The following LARGE1 variants were observed in gnomAD, a reference collection of about 807,000 sequenced individuals.
LARGE1 encodes the protein xylosyl- and glucuronyltransferase LARGE1.
Under a neutral mutation model 87.6 loss-of-function variants are expected in LARGE1, and 43 were observed. The ratio of observed to expected loss-of-function variants is 0.49; its 90% confidence interval spans 0.38 to 0.63. LARGE1 has a LOEUF of 0.63. LARGE1 is among the 30% of genes least tolerant of loss of function. LARGE1 has a pLI of 0.00. For synonymous variants in LARGE1, 434 were observed against 394.6 expected, an observed-to-expected ratio of 1.10 and a Z score of -1.18; for missense variants, 802 against 1,000.2, an observed-to-expected ratio of 0.80 and a Z score of 2.67.
intron 2 of LARGE1, among the ~76,000 whole-genome samples, chr22:33,711,718 C>G (rs1238956125): frequency 6.6e-6 from 1 of 152,230 alleles, no homozygotes; most frequent in African/African-American, 2.4e-5. Flanking sequence ...GTGATCATAG[C>G]TCACTGCAGC....
chr22:33,746,820 A>G (rs2084105021), intron 2 of LARGE1, among the ~76,000 whole-genome samples: 1 of 152,164 alleles, frequency 6.6e-6, no homozygotes, highest in Admixed American at 6.5e-5. Flanking sequence ...GGTTATTATT[A>G]AATCCAAGTC....
intron 2 of LARGE1, among the ~76,000 whole-genome samples, chr22:33,716,915 A>G (rs568919592): frequency 3.1e-4 from 47 of 152,342 alleles, no homozygotes; most frequent in African/African-American, 1.1e-3. Flanking sequence ...ACATTATGGA[A>G]CCACAAAACC....
chr22:33,156,594 T>A, the LARGE1 span, among the ~76,000 whole-genome samples: 1 of 152,202 alleles, frequency 6.6e-6, no homozygotes, highest in East Asian at 1.9e-4. Flanking sequence ...GTAACTATCT[T>A]GCTTTTGATT....
intron 2 of LARGE1, among the ~76,000 whole-genome samples, chr22:33,713,488 A>G (rs1467760524): frequency 6.6e-6 from 1 of 152,164 alleles, no homozygotes; most frequent in Non-Finnish European, 1.5e-5. Context: ...GGTTTATTTG[A>G]AACACACAAG....
chr22:33,158,923 T>C (rs1921943043), downstream of LARGE1, among the ~76,000 whole-genome samples: 1 of 152,212 alleles, frequency 6.6e-6, no homozygotes, highest in Non-Finnish European at 1.5e-5. Context: ...AGGGAAACTG[T>C]GACATTCAAA....
At chr22:33,467,121 C>A (rs2068651529) in intron 6 of LARGE1, among the ~76,000 whole-genome samples, 1 of 152,176 alleles carries the variant, frequency 6.6e-6, no homozygotes, top group East Asian at 1.9e-4. Context: ...CTGTGTCTTC[C>A]ATTTTTCCAG....
chr22:33,101,663 C>T, the LARGE1 span, among the ~76,000 whole-genome samples: 1 of 152,134 alleles, frequency 6.6e-6, no homozygotes, highest in Admixed American at 6.5e-5. Context: ...TCAGATGGCA[C>T]ACATTTCTAT....
chr22:33,685,357 A>G (rs2081913393), intron 2 of LARGE1, among the ~76,000 whole-genome samples: 1 of 152,222 alleles, frequency 6.6e-6, no homozygotes, highest in African/African-American at 2.4e-5. Context: ...GAGTGACATC[A>G]ACCTGTAGTC....
chr22:33,164,244 G>C (rs890248699), exon 12 of LARGE1: 1 of 152,078 alleles, frequency 6.6e-6, no homozygotes, highest in African/African-American at 2.4e-5. Flanking sequence ...CTGACTTTTC[G>C]CTTTGTCTGT....
intron 1 of LARGE1, among the ~76,000 whole-genome samples, chr22:33,847,731 C>T (rs930554381): frequency 6.6e-6 from 1 of 152,212 alleles, no homozygotes; most frequent in Admixed American, 6.5e-5. Flanking sequence ...TCTTTCTTCT[C>T]TCATTGTAAA....
intron 1 of LARGE1, among the ~76,000 whole-genome samples, chr22:33,885,434 A>G (rs193198372): frequency 2.4e-4 from 36 of 152,252 alleles, no homozygotes; most frequent in African/African-American, 7.9e-4. Flanking sequence ...AGTTCACACC[A>G]ATCCCCCTAA....
At chr22:33,102,984 T>C in the LARGE1 span, among the ~76,000 whole-genome samples, 22,306 of 151,978 alleles carry the variant, frequency 0.15, 2,109 homozygotes, top group East Asian at 0.41. Context: ...TTGGAGGTTG[T>C]GGTATGCAGA....
intron 9 of LARGE1, among the ~76,000 whole-genome samples, chr22:33,368,765 G>A (rs1351841099): frequency 2.0e-5 from 3 of 151,906 alleles, no homozygotes; most frequent in Non-Finnish European, 2.9e-5. Context: ...ACATTTTTTG[G>A]TTTTCCGATA....
At chr22:33,894,905 G>A (rs2065093081) in intron 1 of LARGE1, among the ~76,000 whole-genome samples, 1 of 152,218 alleles carries the variant, frequency 6.6e-6, no homozygotes, top group Non-Finnish European at 1.5e-5. Context: ...ATGGGAGCCA[G>A]TCCCGGAAGA....
chr22:33,682,271 G>A (rs1294948666), intron 2 of LARGE1, among the ~76,000 whole-genome samples: 1 of 152,216 alleles, frequency 6.6e-6, no homozygotes, highest in Non-Finnish European at 1.5e-5. Flanking sequence ...ATATTAAAAT[G>A]AAAAGAATTG....
the LARGE1 span, among the ~76,000 whole-genome samples, chr22:33,149,040 C>CTTTTTTTTTTTTTTTTTTTT: frequency 7.3e-6 from 1 of 136,932 alleles, no homozygotes; most frequent in Non-Finnish European, 1.6e-5. Flanking sequence ...TTCTTTTTTT[C>CTTTTTTTTTTTTTTTTTTTT]TTTTTTTTTT....
intron 6 of LARGE1, among the ~76,000 whole-genome samples, chr22:33,495,161 C>A (rs5749619): frequency 0.58 from 87,449 of 149,542 alleles, 26,007 homozygotes; most frequent in Non-Finnish European, 0.64. Context: ...ACATCACAGG[C>A]TCTCTCCTTT....
the LARGE1 span, among the ~76,000 whole-genome samples, chr22:33,145,887 C>A: frequency 9.9e-5 from 15 of 152,254 alleles, no homozygotes; most frequent in East Asian, 2.5e-3. Context: ...TCTTATTTGT[C>A]ATTCTCAAAA....
chr22:33,371,333 T>G (rs1329216211), intron 9 of LARGE1, among the ~76,000 whole-genome samples: 1 of 152,200 alleles, frequency 6.6e-6, no homozygotes, highest in African/African-American at 2.4e-5. Flanking sequence ...TGGAAATATC[T>G]TCGAAACTGG....
Sources: allele counts gnomAD v4.1 joint callset (sites outside exome capture counted in the v4.1 genomes callset), GRCh38; gene constraint gnomAD v4.1.1; transcripts MANE v1.5; gene names NCBI Gene and HGNC (gene_info 2026-07-23, HGNC 2026-07-21).